Variants in IHO1 observed in about 807,000 individuals in gnomAD.
IHO1 encodes interactor of HORMAD1 protein 1.
Under a neutral mutation model 31.0 loss-of-function variants are expected in IHO1, and 13 were observed. That is an observed-to-expected ratio of 0.42 (90% CI 0.27 to 0.67). The LOEUF (loss-of-function observed/expected upper bound fraction) is 0.67. IHO1 is among the 30% of genes least tolerant of loss of function. IHO1 has a pLI of 0.24. For missense variants in IHO1, 599 were observed against 687.5 expected, an observed-to-expected ratio of 0.87 and a Z score of 1.44; for synonymous variants, 221 against 248.4, an observed-to-expected ratio of 0.89 and a Z score of 1.04.
At chr3:49,219,239 G>A (rs905319601) in intron 2 of IHO1, among the ~76,000 whole-genome samples, 1 of 152,136 alleles carries the variant, frequency 6.6e-6, no homozygotes, top group Non-Finnish European at 1.5e-5. Context: ...TGGCCTTGAC[G>A]CCCACGCTGA....
At position 49,257,349 on chromosome 3, in the gene IHO1, C is replaced by G; in HGVS notation, c.*67C>G. The G allele has an allele frequency of 6.7e-7, 1 of 1,489,162 alleles. No individual in the cohort carries two copies. The highest frequency in any genetic ancestry group is 9.2e-7 in the Non-Finnish European group (1 of 1,089,798). The allele number at this position is 1,489,162 out of a possible 1,614,324, so 92.2% of individuals were successfully genotyped here. A position where few individuals can be genotyped will look rare whatever the true frequency, so the allele number is the denominator to read the frequency against. ...ATTGCAGGACATTTGGGCTGGCCAACAGCAGAAAGTCCCTGAAGCCTGCCA... is the reference window on the plus strand; with the variant it reads ...ATTGCAGGACATTTGGGCTGGCCAAGAGCAGAAAGTCCCTGAAGCCTGCCA... On this transcript the variant is annotated 3_prime_UTR_variant, in exon 8 of 8. Coordinates refer to ENST00000452691, the MANE Select transcript of IHO1 (RefSeq NM_001135197.2).
intron 2 of IHO1, among the ~76,000 whole-genome samples, chr3:49,221,679 T>G (rs1039775342): frequency 3.9e-5 from 6 of 152,164 alleles, no homozygotes; most frequent in African/African-American, 1.4e-4. Flanking sequence ...CAGGGGTCCT[T>G]GGTAGAAGTT....
Position 49,244,753 on chromosome 3 carries a change from G to C in IHO1, c.532+20G>C. 2 of 1,599,256 alleles carry C rather than the reference G, an allele frequency of 1.3e-6. No individual in the cohort carries two copies. The highest frequency in any genetic ancestry group is 1.7e-6 in the Non-Finnish European group (2 of 1,166,532). ...AGACATGTGAGTGCCTCATGTTTGA[G>C]GTATCAGCAGAGGGCACTGGTGAAT... On this transcript the variant is annotated intron_variant, in intron 6 of 7. Coordinates refer to ENST00000452691, the MANE Select transcript of IHO1 (RefSeq NM_001135197.2).
At position 49,210,029 on chromosome 3, in the gene IHO1, C is replaced by CT. The variant is rs966102422; in HGVS notation, c.-15-1722dup. Among the ~76,000 whole-genome samples the CT allele has an allele frequency of 2.1e-3, 283 of 136,558 alleles. 1 individual carries two copies. Among genetic ancestry groups the CT allele is most frequent in the South Asian group, 0.014 (60 of 4,256 alleles). The allele number at this position is 136,558 out of a possible 152,430, so 89.6% of individuals were successfully genotyped here. A position where few individuals can be genotyped will look rare whatever the true frequency, so the allele number is the denominator to read the frequency against. On this transcript the variant is annotated intron_variant, in intron 1 of 7. Transcript: ENST00000452691. Reference sequence around the variant, plus strand: ...CCGCACCCAGCCTCTTTCTTTCTTTCTTTTTTTTTTTTTTTAAGAGACAGG... The same window carrying CT: ...CCGCACCCAGCCTCTTTCTTTCTTTCTTTTTTTTTTTTTTTTAAGAGACAGG...
chr3:49,196,916 C>A (rs771132149), upstream of IHO1, among the ~76,000 whole-genome samples: 36 of 151,134 alleles, frequency 2.4e-4, no homozygotes, highest in Non-Finnish European at 4.6e-4. Flanking sequence ...GTGATCTGCC[C>A]GCCTCGGCCT....
rs776773966 is a variant in IHO1, at chr3:49,256,275, T to C, written c.778T>C (p.Leu260=). The C allele has an allele frequency of 6.2e-7, 1 of 1,614,144 alleles. No individual in the cohort carries two copies. Among genetic ancestry groups the C allele is most frequent in the East Asian group, 2.2e-5 (1 of 44,890 alleles). The change falls in exon 8 of 8, where the codon TTG becomes CTG. Residue 260 remains leucine, a synonymous_variant. Transcript: ENST00000452691. The surrounding 1 kb of genome is among the most constrained non-coding windows in gnomAD (Gnocchi z 4.6). The stretch of plus-strand genomic sequence containing the variant: ...CAGTGTCCTAGCAGAGCTGAAGAGA[T>C]TGATCTCAGTGCCTCCAGTGAAAGA... ...VPSVLAELKR[L]ISVPPVKDSA... is the part of the protein sequence containing the mutation.
chr3:49,197,498 A>G (rs1402978005), upstream of IHO1, among the ~76,000 whole-genome samples: 1 of 152,184 alleles, frequency 6.6e-6, no homozygotes, highest in African/African-American at 2.4e-5. Context: ...GGTAAAATTA[A>G]TACATGATAA....
upstream of IHO1, among the ~76,000 whole-genome samples, chr3:49,193,655 C>CAA (rs71077770): frequency 0.066 from 1,646 of 24,998 alleles, 547 homozygotes; most frequent in African/African-American, 0.075. Context: ...GAGACTCTAC[C>CAA]AAAAAAAAAA....
chr3:49,191,828 T>G, the IHO1 span: 1 of 1,512,400 alleles, frequency 6.6e-7, no homozygotes, highest in South Asian at 1.2e-5. Context: ...GGAGGGTATC[T>G]TCAGGAAAGA....
chr3:49,228,232 C>T (rs2046438721), intron 2 of IHO1: 2 of 415,272 alleles, frequency 4.8e-6, no homozygotes, highest in South Asian at 1.8e-5. Flanking sequence ...TTGTCGGGAC[C>T]CCAGAACTGA....
chr3:49,214,607 C>CATATAT (rs1311032715), intron 2 of IHO1, among the ~76,000 whole-genome samples: 4 of 24,782 alleles, frequency 1.6e-4, no homozygotes, highest in African/African-American at 3.0e-4. Context: ...ATTTCTAGAT[C>CATATAT]ATATATATAT....
intron 1 of IHO1, among the ~76,000 whole-genome samples, 190 bp from the exon 2 acceptor site, chr3:49,211,576 T>C (rs2107686650): frequency 6.6e-6 from 1 of 150,652 alleles, no homozygotes; most frequent in Admixed American, 6.6e-5. Flanking sequence ...TGAGCCAAGA[T>C]CGAGCCACGG....
intron 2 of IHO1, among the ~76,000 whole-genome samples, chr3:49,214,755 T>A (rs1206802046): frequency 6.8e-6 from 1 of 146,640 alleles, no homozygotes; most frequent in Non-Finnish European, 1.5e-5. Context: ...TTATCTCACC[T>A]CAGCTTCCCA....
intron 1 of IHO1, chr3:49,200,609 C>T: frequency 1.0e-6 from 1 of 983,110 alleles, no homozygotes. Context: ...TCACGTGTTC[C>T]TCCCTTGTGT....
At chr3:49,222,026 T>G (rs1428243509) in intron 2 of IHO1, among the ~76,000 whole-genome samples, 1 of 152,192 alleles carries the variant, frequency 6.6e-6, no homozygotes, top group East Asian at 1.9e-4. Context: ...GAGGTCTAGG[T>G]CTCAGCAGTT....
chr3:49,239,677 T>C (rs2046605238), intron 3 of IHO1, among the ~76,000 whole-genome samples: 2 of 151,526 alleles, frequency 1.3e-5, no homozygotes, highest in Non-Finnish European at 2.9e-5. Flanking sequence ...TTTTTTTTTT[T>C]TTGAGACGGA....
chr3:49,226,747 C>T (rs2046423539), intron 2 of IHO1, among the ~76,000 whole-genome samples: 1 of 152,222 alleles, frequency 6.6e-6, no homozygotes, highest in African/African-American at 2.4e-5. Flanking sequence ...AATAGCATGA[C>T]ATCTCTCCAA....
chr3:49,238,441 C>G (rs954507518), intron 3 of IHO1, among the ~76,000 whole-genome samples: 1 of 152,072 alleles, frequency 6.6e-6, no homozygotes, highest in Non-Finnish European at 1.5e-5. Flanking sequence ...TCAGCGGATT[C>G]GCATCCAAAA....
At chr3:49,226,055 T>A (rs554215911) in intron 2 of IHO1, among the ~76,000 whole-genome samples, 4 of 152,200 alleles carry the variant, frequency 2.6e-5, no homozygotes, top group East Asian at 1.9e-4. Flanking sequence ...TCGTTTCTCA[T>A]TGGACACTCT....
Sources: gnomAD v4.1 joint callset for allele counts (sites outside exome capture counted in the v4.1 genomes callset) on GRCh38, gnomAD v4.1.1 for gene constraint, Gnocchi (gnomAD v3.1) non-coding constraint, MANE v1.5 for transcripts, NCBI Gene and HGNC (gene_info 2026-07-23, HGNC 2026-07-21) for gene names.